The following UBTF variants were observed in gnomAD, a reference collection of about 807,000 sequenced individuals.
UBTF encodes the protein upstream binding transcription factor, also known as nucleolar transcription factor 1.
UBTF carries 8 observed loss-of-function variants against 112.3 expected under a neutral mutation model. The ratio of observed to expected loss-of-function variants is 0.07; its 90% CI spans 0.04 to 0.13. The LOEUF (loss-of-function observed/expected upper bound fraction) is 0.13. UBTF is among the 10% of genes least tolerant of loss of function. UBTF has a pLI of 1.00. For missense variants in UBTF, 457 were observed against 982.1 expected (o/e 0.47, Z 7.15); for synonymous variants, 417 against 373.1 (o/e 1.12, Z -1.36).
At chr17:44,216,332 T>C (rs951744628) in intron 3 of UBTF, 197 bp downstream of exon 3, 23 of 662,976 alleles carry the variant, frequency 3.5e-5, no homozygotes, top group South Asian at 1.8e-4. Context: ...ACCACTCAGA[T>C]AGAAAGTGGC....
rs1304463578 is a variant in UBTF, at chr17:44,210,970, G to A, written c.1204-23C>T. On this transcript the variant is annotated intron_variant, in intron 12 of 20. Transcript: ENST00000436088. ...GCCCTGTCCAGGTGCAGAGGGTCGGGGTCCGTGGGTGCTGCCAGGGAGCCC... is the reference window on the plus strand; with the variant it reads ...GCCCTGTCCAGGTGCAGAGGGTCGGAGTCCGTGGGTGCTGCCAGGGAGCCC... 4.4e-6 allele frequency: 7 copies of A among 1,601,232 alleles called. No homozygotes were observed. In the South Asian group the frequency reaches 6.6e-5, roughly 15 times the overall value.
At chr17:44,210,039 G>T in intron 15 of UBTF, 85 bp downstream of exon 15, 2 of 1,372,110 alleles carry the variant, frequency 1.5e-6, no homozygotes, top group Non-Finnish European at 2.1e-6. Flanking sequence ...ACAGACCAAG[G>T]CTGGGACTTC....
chr17:44,220,952 A>AGCGCC (rs1024456605), upstream of UBTF: 3 of 121,630 alleles, frequency 2.5e-5, no homozygotes, highest in African/African-American at 6.2e-5. Flanking sequence ...GGCGCAGCGC[A>AGCGCC]GCGCCGCTCC....
intron 6 of UBTF, 138 bp from the exon 7 acceptor site, chr17:44,213,077 C>G: frequency 6.5e-7 from 1 of 1,536,692 alleles, no homozygotes; most frequent in Non-Finnish European, 8.8e-7. Context: ...GTCTCTGTCC[C>G]TGAGCATGAC....
intron 5 of UBTF, 162 bp from the exon 6 acceptor site, chr17:44,213,444 G>C (rs543312279): frequency 2.9e-6 from 2 of 680,006 alleles, no homozygotes; most frequent in Admixed American, 3.0e-5. Context: ...ACTCACCACA[G>C]AGCAGACCTG....
chr17:44,213,057 C>T, intron 6 of UBTF, 118 bp from the exon 7 acceptor site: 2 of 1,547,458 alleles, frequency 1.3e-6, no homozygotes, highest in Non-Finnish European at 1.8e-6. Context: ...GGGACGGTGG[C>T]TGCCTGCCTG....
chr17:44,215,641 C>G lies in UBTF; in HGVS notation c.474+13G>C. ...CCTCTCCCCTCCTCCCACCTTAACT[C>G]TCCTCCCCCCACCTTCTTCTTCTCC... On this transcript the variant is annotated intron_variant, in intron 5 of 20. Transcript: ENST00000436088. The G allele has an allele frequency of 6.2e-7, 1 of 1,613,446 alleles. No homozygotes were observed. Among genetic ancestry groups the G allele is most frequent in the South Asian group, 1.1e-5 (1 of 91,034 alleles).
Position 44,212,742 on chromosome 17 carries a change from G to A in UBTF, c.660+77C>T, listed in dbSNP as rs572811766. 1.3e-4 allele frequency: 202 copies of A among 1,585,826 alleles called. 3 individuals are homozygous for A. The South Asian group carries it at 2.3e-3, about 18-fold the overall frequency. On this transcript the variant is annotated intron_variant, in intron 7 of 20. Coordinates refer to ENST00000436088, the MANE Select transcript of UBTF (RefSeq NM_014233.4). ...CTCCTCTCCTGCTCCCCTGCACCGT[G>A]CCCGGCCGACCTGGCGCGGCTCCCC...
intron 1 of UBTF, 55 bp from the exon 2 acceptor site, chr17:44,218,351 G>C: frequency 9.3e-7 from 1 of 1,078,494 alleles, no homozygotes; most frequent in African/African-American, 1.6e-5. Flanking sequence ...AACGACTAAC[G>C]ACTTTCTAAC....
chr17:44,206,536 A>G lies in UBTF; in HGVS notation c.*706T>C, dbSNP rs558226223. 2 of 150,604 alleles carry G rather than the reference A, an allele frequency of 1.3e-5. No homozygotes were observed. 9.3% of individuals were successfully genotyped at this position (150,604 alleles called of 1,614,324 possible). ...ATCAAGACCATTTTTAAAAGGTTCC[A>G]AATCTACCCCTAAACCCTCCCTCTC... is the stretch of plus-strand genomic sequence containing the variant. On this transcript the variant is annotated 3_prime_UTR_variant, in exon 21 of 21. Transcript: ENST00000436088.
At chr17:44,212,693 T>G in intron 7 of UBTF, 126 bp downstream of exon 7, 4 of 1,512,336 alleles carry the variant, frequency 2.6e-6, no homozygotes, top group Non-Finnish European at 3.6e-6. Flanking sequence ...GCCCTGTCCA[T>G]GCAGCCCACC....
chr17:44,214,996 C>T (rs1230768078), intron 5 of UBTF, among the ~76,000 whole-genome samples: 1 of 152,234 alleles, frequency 6.6e-6, no homozygotes, highest in Non-Finnish European at 1.5e-5. Flanking sequence ...GCTTAGGCAA[C>T]CCTCCACCCA....
intron 13 of UBTF, 141 bp from the exon 14 acceptor site, chr17:44,210,614 G>A: frequency 7.2e-7 from 1 of 1,385,728 alleles, no homozygotes; most frequent in Non-Finnish European, 9.4e-7. Context: ...GCCCCCGCCT[G>A]GTCTGCGGCG....
chr17:44,213,336 G>A, intron 5 of UBTF, 54 bp from the exon 6 acceptor site: 6 of 1,571,746 alleles, frequency 3.8e-6, no homozygotes, highest in Non-Finnish European at 5.2e-6. Flanking sequence ...CTCACCCTGA[G>A]CTATGAAGGC....
At chr17:44,212,031 A>T in intron 8 of UBTF, 25 bp from the exon 9 acceptor site, 7 of 1,461,492 alleles carry the variant, frequency 4.8e-6, no homozygotes, top group Admixed American at 3.8e-5. Flanking sequence ...GGGGGGACGG[A>T]GGGCAATGGG....
chr17:44,211,836 C>T lies in UBTF; in HGVS notation c.905+37G>A, dbSNP rs749631459. ...TGCAGAGCCCAGCCCAACTTCCCAG[C>T]TGCCCACTCGCCCACCCATCCCAGG... On this transcript the variant is annotated intron_variant, in intron 9 of 20. Coordinates refer to ENST00000436088, the MANE Select transcript of UBTF (RefSeq NM_014233.4). This position sits in a 1 kb window ranked among gnomAD's most constrained non-coding sequence, Gnocchi z 4.9. 2 of 1,604,804 alleles carry T rather than the reference C, an allele frequency of 1.2e-6. No homozygotes were observed. The highest frequency in any genetic ancestry group is 1.7e-6 in the Non-Finnish European group (2 of 1,175,736).
In UBTF at chr17:44,207,556, GTCC is replaced by G. The variant is rs1481418603; in HGVS notation, c.2064_2066del (p.Glu688del). ...CATCATCTTCCTCTTCTTCATCCTCGTCCTCGTCATCCTCATCCTCTTCATCAT... is the reference window on the plus strand; with the variant it reads ...CATCATCTTCCTCTTCTTCATCCTCGTCGTCATCCTCATCCTCTTCATCAT... On this transcript the variant is annotated inframe_deletion, in exon 20 of 21. Transcript: ENST00000436088. 13 of 1,613,788 alleles carry G rather than the reference GTCC, an allele frequency of 8.1e-6. No individual in the cohort carries two copies. The highest frequency in any genetic ancestry group is 2.7e-5 in the African/African-American group (2 of 74,836).
intron 15 of UBTF, 43 bp from the exon 16 acceptor site, chr17:44,209,776 A>G: frequency 1.3e-6 from 2 of 1,592,682 alleles, no homozygotes; most frequent in Non-Finnish European, 1.7e-6. Context: ...TCCCACCCCC[A>G]AAATACTGCT....
chr17:44,216,853 C>T (rs1392482907), intron 2 of UBTF, 149 bp from the exon 3 acceptor site: 9 of 743,122 alleles, frequency 1.2e-5, no homozygotes, highest in South Asian at 5.0e-5. Context: ...TATGGCTCAG[C>T]CCTAAGGAAA....
Sources: gnomAD v4.1 joint callset for allele counts (sites outside exome capture counted in the v4.1 genomes callset) on GRCh38, gnomAD v4.1.1 for gene constraint, Gnocchi (gnomAD v3.1) non-coding constraint, MANE v1.5 for transcripts, NCBI Gene and HGNC (gene_info 2026-07-23, HGNC 2026-07-21) for gene names.